Variants in MAJIN observed in about 807,000 individuals in gnomAD.
MAJIN encodes the protein membrane-anchored junction protein.
In MAJIN, 27 loss-of-function variants were observed where a neutral mutation model predicts 30.2. The observed-to-expected ratio is 0.89, with a 90% CI of 0.66 to 1.23. The LOEUF is 1.23. Among genes scored for constraint, MAJIN ranks in the 50% most tolerant of loss-of-function variants. The pLI is 0.00. For missense variants in MAJIN, 253 were observed against 260.3 expected, an observed-to-expected ratio of 0.97 and a Z score of 0.19; for synonymous variants, 78 against 91.6, an observed-to-expected ratio of 0.85 and a Z score of 0.85.
intron 1 of MAJIN, among the ~76,000 whole-genome samples, chr11:64,964,252 C>T (rs1177526672): frequency 1.3e-5 from 2 of 152,066 alleles, no homozygotes; most frequent in African/African-American, 4.8e-5. Flanking sequence ...CCTCCTTTCA[C>T]TTTCAAAAGT....
At chr11:64,939,582 C>A (rs1945342169) in intron 10 of MAJIN, 80 bp downstream of exon 10, 1 of 1,268,410 alleles carries the variant, frequency 7.9e-7, no homozygotes, top group East Asian at 2.3e-5. Context: ...GCTTTCTTTT[C>A]TATTCTAATT....
At chr11:64,939,327 T>C (rs1271613579) in intron 10 of MAJIN, among the ~76,000 whole-genome samples, 1 of 152,216 alleles carries the variant, frequency 6.6e-6, no homozygotes, top group African/African-American at 2.4e-5. Flanking sequence ...CTTGAACTCC[T>C]GACCTCAAGT....
intron 4 of MAJIN, among the ~76,000 whole-genome samples, chr11:64,951,764 CAAAAAAA>C (rs11329539): frequency 1.0e-5 from 1 of 95,892 alleles, no homozygotes; most frequent in Non-Finnish European, 2.2e-5. Flanking sequence ...AACCTTGTCT[CAAAAAAA>C]AAAAAAAAAA....
At chr11:64,958,596 G>C (rs1436045976) in intron 3 of MAJIN, among the ~76,000 whole-genome samples, 3 of 86,784 alleles carry the variant, frequency 3.5e-5, no homozygotes, top group African/African-American at 1.0e-4. Flanking sequence ...CCTGTCTTGG[G>C]AGAAAAAAAA....
rs564569219 is a variant in MAJIN at position 64,952,486 on chromosome 11, CTG to C, written c.148-2058_148-2057del. On this transcript the variant is annotated intron_variant, in intron 4 of 10. Coordinates refer to ENST00000301896, the MANE Select transcript of MAJIN (RefSeq NM_001037225.3). Reference sequence around the variant, plus strand: ...TACAGGCGTGAGCCACAGAGCCCGGCTGTGTTTTTATACATATTAATTAATTT... The same window carrying C: ...TACAGGCGTGAGCCACAGAGCCCGGCTGTTTTTATACATATTAATTAATTT... Among the ~76,000 whole-genome samples, 271 of 152,278 alleles carry C rather than the reference CTG, an allele frequency of 1.8e-3. 3 individuals carry two copies. Among genetic ancestry groups the C allele is most frequent in the South Asian group, 0.012 (56 of 4,830 alleles).
At chr11:64,961,708 C>T (rs1945728810) in intron 1 of MAJIN, among the ~76,000 whole-genome samples, 1 of 147,752 alleles carries the variant, frequency 6.8e-6, no homozygotes, top group Admixed American at 6.8e-5. Context: ...GATCTCCTGG[C>T]CTTGTGATCC....
At chr11:64,945,598 C>A (rs773218079) in intron 8 of MAJIN, among the ~76,000 whole-genome samples, 1 of 151,894 alleles carries the variant, frequency 6.6e-6, no homozygotes, top group African/African-American at 2.4e-5. Context: ...TGCAGTGGCA[C>A]GAACTCAGCT....
intron 1 of MAJIN, among the ~76,000 whole-genome samples, chr11:64,964,788 T>C (rs909087096): frequency 1.3e-5 from 2 of 152,124 alleles, no homozygotes; most frequent in African/African-American, 2.4e-5. Flanking sequence ...GGTTTCGCTA[T>C]GTTGCCAGGC....
rs184036293 is a variant in MAJIN, at chr11:64,941,607, G to A, written c.474-961C>T. On this transcript the variant is annotated intron_variant, in intron 8 of 10. Transcript: ENST00000301896. ...AGGAGGCAGAGTGAGCCAAGGTCGC[G>A]CCATTGCATTCCAGCCTGGGGCGAG... is the stretch of plus-strand genomic sequence containing the variant. Among the ~76,000 whole-genome samples, 18 of 152,286 alleles carry A rather than the reference G, an allele frequency of 1.2e-4. No homozygotes were observed. In the East Asian group the frequency reaches 3.1e-3, roughly 26 times the overall value.
chr11:64,947,997 C>G lies in MAJIN; in HGVS notation c.350-178G>C, dbSNP rs550343292. 5.3e-5 allele frequency among the ~76,000 whole-genome samples: 8 copies of G among 151,774 alleles called. No homozygotes were observed. The East Asian group carries it at 1.6e-3, about 30-fold the overall frequency. On this transcript the variant is annotated intron_variant, in intron 6 of 10. Coordinates refer to ENST00000301896, the MANE Select transcript of MAJIN (RefSeq NM_001037225.3). ...CCCTCAGCCTCCCGAGTAGCTGGGA[C>G]TACAGGCACATGCCACCACACCTGG...
At position 64,960,480 on chromosome 11, in the gene MAJIN, G is replaced by T. The variant is rs549116194; in HGVS notation, c.-64-345C>A. Among the ~76,000 whole-genome samples the T allele has an allele frequency of 6.6e-4, 100 of 152,218 alleles. 1 individual carries two copies. Among genetic ancestry groups the T allele is most frequent in the African/African-American group, 2.3e-3 (95 of 41,524 alleles). ...AAATTTGATAGGTGAGGAAACTGAG[G>T]CACTGAGGAATGAATTAAACTGCCC... On this transcript the variant is annotated intron_variant, in intron 1 of 10. Coordinates refer to ENST00000301896, the MANE Select transcript of MAJIN (RefSeq NM_001037225.3).
chr11:64,953,761 A>C (rs1352400999), intron 4 of MAJIN, among the ~76,000 whole-genome samples: 4 of 152,332 alleles, frequency 2.6e-5, no homozygotes, highest in Middle Eastern at 6.8e-3. Flanking sequence ...ACTGCACTCC[A>C]GCCTGGTGAC....
intron 8 of MAJIN, among the ~76,000 whole-genome samples, chr11:64,944,117 C>T (rs548829381): frequency 6.6e-6 from 1 of 152,368 alleles, no homozygotes; most frequent in Non-Finnish European, 1.5e-5. Context: ...CAGCACCCAA[C>T]ACAATGCCTT....
At chr11:64,950,501 C>A in intron 4 of MAJIN, 71 bp from the exon 5 acceptor site, 2 of 1,319,052 alleles carry the variant, frequency 1.5e-6, no homozygotes, top group South Asian at 1.2e-5. Flanking sequence ...TTTGTCACTG[C>A]TACTCACATA....
intron 9 of MAJIN, among the ~76,000 whole-genome samples, 188 bp downstream of exon 9, chr11:64,940,386 G>A (rs941678182): frequency 6.6e-6 from 1 of 152,106 alleles, no homozygotes; most frequent in Non-Finnish European, 1.5e-5. Flanking sequence ...TCTGGGAGCT[G>A]GGGGGCTTCT....
chr11:64,966,501 A>G (rs1425869482), intron 1 of MAJIN, among the ~76,000 whole-genome samples: 1 of 151,922 alleles, frequency 6.6e-6, no homozygotes, highest in African/African-American at 2.4e-5. Flanking sequence ...TACCACTGCA[A>G]TCCGGCCTGG....
chr11:64,968,463 T>A (rs1945845855), intron 1 of MAJIN, among the ~76,000 whole-genome samples: 2 of 151,710 alleles, frequency 1.3e-5, no homozygotes, highest in Non-Finnish European at 2.9e-5. Flanking sequence ...GGTTTCACTA[T>A]GTTGCCCATG....
chr11:64,938,544 C>A lies in MAJIN; in HGVS notation c.*31G>T. Reference sequence around the variant, plus strand: ...GAAGGCTCAAGAGTGGCTGCTCTTCCTGAAGAAATATCGAAACGGGAAGAG... The same window carrying A: ...GAAGGCTCAAGAGTGGCTGCTCTTCATGAAGAAATATCGAAACGGGAAGAG... On this transcript the variant is annotated 3_prime_UTR_variant, in exon 11 of 11. Transcript: ENST00000301896. 6.5e-7 allele frequency: 1 copy of A among 1,535,902 alleles called. No homozygotes were observed. Among genetic ancestry groups the A allele is most frequent in the Non-Finnish European group, 8.7e-7 (1 of 1,146,808 alleles).
At chr11:64,942,327 TACATGA>T (rs1465393651) in intron 8 of MAJIN, among the ~76,000 whole-genome samples, 5 of 152,088 alleles carry the variant, frequency 3.3e-5, no homozygotes, top group African/African-American at 1.2e-4. Flanking sequence ...GGTGTCTGGT[TACATGA>T]ATGAGTTTTT....
Sources: allele counts gnomAD v4.1 joint callset (sites outside exome capture counted in the v4.1 genomes callset), GRCh38; gene constraint gnomAD v4.1.1; transcripts MANE v1.5; gene names NCBI Gene and HGNC (gene_info 2026-07-23, HGNC 2026-07-21).